SYNPO2: variants seen among roughly 807,000 people sequenced by gnomAD.
SYNPO2 encodes synaptopodin-2.
Under a neutral mutation model 85.0 loss-of-function variants are expected in SYNPO2, and 56 were observed. That is an observed-to-expected ratio of 0.66 (90% confidence interval 0.53 to 0.82). SYNPO2 has a LOEUF of 0.82. Among genes scored for constraint, SYNPO2 ranks in the 40% least tolerant of loss-of-function variants. SYNPO2 has a pLI of 0.00. For synonymous variants in SYNPO2, 602 were observed against 591.1 expected, an observed-to-expected ratio of 1.02 and a Z score of -0.27; for missense variants, 1,575 against 1,534.2, an observed-to-expected ratio of 1.03 and a Z score of -0.44.
Position 119,027,385 on chromosome 4 carries a change from C to CA in SYNPO2, c.1017dup (p.Arg340ThrfsTer23). ...GAAGGCACAGAGCAGGGAGAAGATC[C>CA]ACGCTCGGAAAAAGATCACAGCAGA... On this transcript the variant is annotated frameshift_variant, in exon 3 of 5. Coordinates refer to ENST00000307142, the MANE Select transcript of SYNPO2 (RefSeq NM_133477.3). LOFTEE classifies it high-confidence loss of function. 1 of 1,612,826 alleles carries CA rather than the reference C, an allele frequency of 6.2e-7. No individual in the cohort carries two copies. The highest frequency in any genetic ancestry group is 8.5e-7 in the Non-Finnish European group (1 of 1,179,580).
At chr4:119,014,225 C>T (rs1245021814) in intron 1 of SYNPO2, among the ~76,000 whole-genome samples, 3 of 152,150 alleles carry the variant, frequency 2.0e-5, no homozygotes, top group African/African-American at 7.2e-5. Context: ...GAGTTCAAGA[C>T]CAGCCTGGTG....
At chr4:118,970,848 C>T (rs969570980) in intron 1 of SYNPO2, among the ~76,000 whole-genome samples, 4 of 152,172 alleles carry the variant, frequency 2.6e-5, no homozygotes, top group African/African-American at 9.7e-5. Flanking sequence ...TTTATAACTC[C>T]TTGTCAATAA....
intron 4 of SYNPO2, chr4:119,034,924 C>T (rs990103467): frequency 2.4e-5 from 24 of 985,286 alleles, no homozygotes; most frequent in Non-Finnish European, 2.8e-5. Flanking sequence ...TTGGTTGGTC[C>T]GCTGGTTATG....
chr4:118,946,444 G>C (rs936218948), intron 1 of SYNPO2, among the ~76,000 whole-genome samples: 7 of 124,778 alleles, frequency 5.6e-5, no homozygotes, highest in African/African-American at 1.9e-4. Context: ...AGGTCAGTGA[G>C]AGTCTTACTC....
At chr4:118,967,860 CAAAAAAA>C (rs34878457) in intron 1 of SYNPO2, among the ~76,000 whole-genome samples, 1 of 145,246 alleles carries the variant, frequency 6.9e-6, no homozygotes, top group Non-Finnish European at 1.5e-5. Context: ...ATCTTTATAC[CAAAAAAA>C]AAAAAAAAAG....
At chr4:119,005,096 T>G (rs891466869) in intron 1 of SYNPO2, among the ~76,000 whole-genome samples, 4 of 152,214 alleles carry the variant, frequency 2.6e-5, no homozygotes, top group Admixed American at 1.3e-4. Flanking sequence ...CTTGTAAATT[T>G]GTTTGAGTTC....
chr4:119,019,891 G>A (rs1054234463), intron 1 of SYNPO2, among the ~76,000 whole-genome samples: 6 of 152,168 alleles, frequency 3.9e-5, no homozygotes, highest in Admixed American at 3.9e-4. Flanking sequence ...TAAGTTCACT[G>A]ATAGAGAATT....
intron 4 of SYNPO2, chr4:119,042,626 T>C (rs1738749958): frequency 1.3e-5 from 2 of 152,256 alleles, no homozygotes; most frequent in Admixed American, 6.5e-5. Context: ...AAAAAGGAAG[T>C]TCATGCACTT....
intron 4 of SYNPO2, among the ~76,000 whole-genome samples, chr4:119,052,275 G>T (rs946185845): frequency 5.3e-5 from 8 of 152,130 alleles, no homozygotes; most frequent in African/African-American, 1.9e-4. Context: ...GGGTCAACCT[G>T]GGGCCTCTCT....
rs1739392396 is a variant in SYNPO2 at position 119,060,898 on chromosome 4, T to C, written c.*2964T>C. The C allele has an allele frequency of 6.6e-6, 1 of 152,152 alleles. No individual in the cohort carries two copies. The highest frequency in any genetic ancestry group is 1.5e-5 in the Non-Finnish European group (1 of 68,010). The allele number at this position is 152,152 out of a possible 1,614,324, so 9.4% of individuals were successfully genotyped here. ...GGATTCTTGTTCATTTATCTCTGAA[T>C]ATGTCTCTTTTATATTTTGGCACAA... is the stretch of plus-strand genomic sequence containing the variant. On this transcript the variant is annotated 3_prime_UTR_variant, in exon 5 of 5. Transcript: ENST00000307142.
At chr4:118,880,200 T>C (rs1273737599) in intron 1 of SYNPO2, among the ~76,000 whole-genome samples, 2 of 152,172 alleles carry the variant, frequency 1.3e-5, no homozygotes, top group East Asian at 3.9e-4. Flanking sequence ...AACAAAACAA[T>C]CAAAATGTGA....
chr4:118,884,899 G>A (rs547559722), upstream of SYNPO2, among the ~76,000 whole-genome samples: 2 of 152,288 alleles, frequency 1.3e-5, no homozygotes, highest in Non-Finnish European at 2.9e-5. Context: ...CAACTTAAGA[G>A]ACCTTTAGAC....
Position 119,035,223 on chromosome 4 carries a change from T to C in SYNPO2, c.3252+3196T>C, listed in dbSNP as rs1486759247. On this transcript the variant is annotated intron_variant, in intron 4 of 4. Coordinates refer to ENST00000307142, the MANE Select transcript of SYNPO2 (RefSeq NM_133477.3). ...TTCCACAAGTTTCCCCTTAATCATG[T>C]GTCAAACCTCTCTTCCTGACGGGAA... 4 of 985,330 alleles carry C rather than the reference T, an allele frequency of 4.1e-6. No individual in the cohort carries two copies. The African/African-American group carries it at 5.2e-5, about 13-fold the overall frequency. 61.0% of individuals were successfully genotyped at this position (985,330 alleles called of 1,614,324 possible). A position where few individuals can be genotyped will look rare whatever the true frequency, so the allele number is the denominator to read the frequency against.
intron 1 of SYNPO2, among the ~76,000 whole-genome samples, chr4:118,966,879 G>A (rs953127363): frequency 1.2e-4 from 19 of 152,154 alleles, no homozygotes; most frequent in African/African-American, 4.3e-4. Context: ...GAGCAGGTCA[G>A]CAGGTCCTTC....
chr4:118,890,828 G>A (rs939687472), intron 1 of SYNPO2, among the ~76,000 whole-genome samples: 1 of 151,716 alleles, frequency 6.6e-6, no homozygotes, highest in Non-Finnish European at 1.5e-5. Context: ...TGCAGTCTAC[G>A]AAGCTCTGTC....
chr4:118,876,241 T>G (rs931731065), intron 1 of SYNPO2, among the ~76,000 whole-genome samples: 4 of 152,308 alleles, frequency 2.6e-5, no homozygotes, highest in South Asian at 2.1e-4. Context: ...CTAGTCTTCA[T>G]CTGTTCTTCA....
intron 1 of SYNPO2, among the ~76,000 whole-genome samples, chr4:119,005,194 G>A (rs908588317): frequency 1.5e-4 from 23 of 152,226 alleles, no homozygotes; most frequent in Non-Finnish European, 2.9e-4. Flanking sequence ...TCACTCTGTT[G>A]GTAGTTTCTT....
intron 1 of SYNPO2, among the ~76,000 whole-genome samples, chr4:119,002,768 A>G (rs1736869979): frequency 6.6e-6 from 1 of 151,998 alleles, no homozygotes; most frequent in South Asian, 2.1e-4. Flanking sequence ...ACAAGTGATG[A>G]GAGCTGAATT....
chr4:118,870,932 A>G (rs1174629938), intron 1 of SYNPO2, among the ~76,000 whole-genome samples: 1 of 152,210 alleles, frequency 6.6e-6, no homozygotes, highest in Non-Finnish European at 1.5e-5. Flanking sequence ...AAAAAATCTT[A>G]TTTATCACTC....
Sources: gnomAD v4.1 joint callset for allele counts (sites outside exome capture counted in the v4.1 genomes callset) on GRCh38, gnomAD v4.1.1 for gene constraint, MANE v1.5 for transcripts, NCBI Gene and HGNC (gene_info 2026-07-23, HGNC 2026-07-21) for gene names.